The following COG5 variants were observed in gnomAD, a reference collection of about 807,000 sequenced individuals.
COG5 encodes component of oligomeric golgi complex 5.
In COG5, 86 loss-of-function variants were observed where a neutral mutation model predicts 110.4. The ratio of observed to expected loss-of-function variants is 0.78; its 90% CI spans 0.65 to 0.93. The LOEUF is 0.93. Ranked by LOEUF, COG5 falls within the 40% of genes least tolerant of loss-of-function variation. COG5 has a pLI of 0.00. For synonymous variants in COG5, 360 were observed against 334.6 expected, an observed-to-expected ratio of 1.08 and a Z score of -0.83; for missense variants, 1,077 against 987.0, an observed-to-expected ratio of 1.09 and a Z score of -1.22.
chr7:107,457,352 G>GTCCTC (rs1795725717), intron 6 of COG5, among the ~76,000 whole-genome samples: 1 of 141,714 alleles, frequency 7.1e-6, no homozygotes, highest in Non-Finnish European at 1.5e-5. Context: ...ACAAATTAAA[G>GTCCTC]CTATGAGGAG....
At chr7:107,473,984 C>A (rs189832337) in intron 6 of COG5, 5 of 707,424 alleles carry the variant, frequency 7.1e-6, no homozygotes, top group South Asian at 2.0e-5. Context: ...ACACGTTATA[C>A]GTCATTTAAA....
chr7:107,383,704 T>C (rs1395989042), intron 7 of COG5, among the ~76,000 whole-genome samples: 1 of 152,178 alleles, frequency 6.6e-6, no homozygotes. Context: ...CCTGTTCCTC[T>C]CTTTCTAAAT....
At chr7:107,323,358 G>A (rs946436676) in intron 11 of COG5, among the ~76,000 whole-genome samples, 6 of 152,096 alleles carry the variant, frequency 3.9e-5, no homozygotes, top group Admixed American at 6.5e-5. Context: ...GTGAAACCCC[G>A]TCTTTACTAA....
chr7:107,307,698 G>A (rs915787993), intron 11 of COG5, among the ~76,000 whole-genome samples: 5 of 152,120 alleles, frequency 3.3e-5, no homozygotes, highest in African/African-American at 1.2e-4. Flanking sequence ...TTATAAGTGG[G>A]AGCTAAGCTA....
At chr7:107,534,229 C>A (rs540938668) in intron 5 of COG5, among the ~76,000 whole-genome samples, 1 of 151,532 alleles carries the variant, frequency 6.6e-6, no homozygotes, top group Non-Finnish European at 1.5e-5. Flanking sequence ...AAGTTAAAGA[C>A]CATCAACACT....
chr7:107,374,265 A>G lies in COG5; in HGVS notation c.670-1505T>C, dbSNP rs180812418. Among the ~76,000 whole-genome samples, 664 of 152,202 alleles carry G rather than the reference A, an allele frequency of 4.4e-3. 3 individuals carry two copies. Among genetic ancestry groups the G allele is most frequent in the African/African-American group, 0.015 (635 of 41,572 alleles). On this transcript the variant is annotated intron_variant, in intron 7 of 21. Coordinates refer to ENST00000297135, the MANE Select transcript of COG5 (RefSeq NM_006348.5). ...CTGTTTTATCTTTAAACTTTTTAGT[A>G]GACACCAAAAATCAAAATGAGGCAG...
At chr7:107,374,407 A>G (rs929777444) in intron 7 of COG5, among the ~76,000 whole-genome samples, 1 of 152,088 alleles carries the variant, frequency 6.6e-6, no homozygotes, top group Non-Finnish European at 1.5e-5. Flanking sequence ...ATATACTTTA[A>G]AACTATATTT....
intron 7 of COG5, among the ~76,000 whole-genome samples, chr7:107,403,709 T>C (rs1791607246): frequency 6.6e-6 from 1 of 152,144 alleles, no homozygotes; most frequent in Non-Finnish European, 1.5e-5. Flanking sequence ...AAGTCTTTTA[T>C]AAGGGCACTA....
intron 10 of COG5, among the ~76,000 whole-genome samples, chr7:107,328,742 A>T (rs1174893071): frequency 6.6e-6 from 1 of 152,226 alleles, no homozygotes; most frequent in East Asian, 1.9e-4. Context: ...TCACTAGTTA[A>T]AACAATAGTA....
chr7:107,403,923 C>A (rs948263122), intron 7 of COG5, among the ~76,000 whole-genome samples: 1 of 150,468 alleles, frequency 6.6e-6, no homozygotes. Context: ...ATTATTATTA[C>A]TATTTTTATG....
At chr7:107,356,708 A>T (rs1265581237) in intron 10 of COG5, among the ~76,000 whole-genome samples, 3 of 152,172 alleles carry the variant, frequency 2.0e-5, no homozygotes, top group East Asian at 3.8e-4. Context: ...GAAAAAAAGT[A>T]TTAATTTCTG....
At chr7:107,291,229 C>T (rs1806144183) in intron 12 of COG5, among the ~76,000 whole-genome samples, 1 of 152,042 alleles carries the variant, frequency 6.6e-6, no homozygotes, top group South Asian at 2.1e-4. Flanking sequence ...TTATTTGAGG[C>T]TCTGTTTATT....
intron 1 of COG5, among the ~76,000 whole-genome samples, chr7:107,563,053 T>A: frequency 6.6e-6 from 1 of 152,202 alleles, no homozygotes; most frequent in Non-Finnish European, 1.5e-5. Flanking sequence ...GCTTTATTTT[T>A]ATGCTTATAA....
At chr7:107,240,950 G>T (rs1186691452) in intron 17 of COG5, among the ~76,000 whole-genome samples, 2 of 152,168 alleles carry the variant, frequency 1.3e-5, no homozygotes, top group African/African-American at 4.8e-5. Context: ...AGCTGAAATG[G>T]AGTCACCAAA....
chr7:107,238,059 G>A (rs918537336), intron 17 of COG5, among the ~76,000 whole-genome samples: 1 of 152,138 alleles, frequency 6.6e-6, no homozygotes, highest in African/African-American at 2.4e-5. Context: ...AGTGTGGAAT[G>A]ACTGAATCAA....
At chr7:107,411,243 T>C (rs939941824) in intron 7 of COG5, among the ~76,000 whole-genome samples, 33 of 152,358 alleles carry the variant, frequency 2.2e-4, no homozygotes, top group African/African-American at 7.7e-4. Context: ...CTGCCCTTTC[T>C]TGTTTTGAAA....
At chr7:107,386,432 G>A (rs1449579059) in intron 7 of COG5, among the ~76,000 whole-genome samples, 2 of 152,198 alleles carry the variant, frequency 1.3e-5, no homozygotes, top group Admixed American at 6.5e-5. Flanking sequence ...ACAGACCCCC[G>A]CAGCTGGTGC....
intron 19 of COG5, among the ~76,000 whole-genome samples, chr7:107,223,559 T>A (rs796237101): frequency 3.3e-5 from 5 of 152,310 alleles, no homozygotes; most frequent in African/African-American, 1.2e-4. Context: ...GGAGCCTGAA[T>A]GCAACAGAAG....
At chr7:107,246,262 T>C (rs752395415) in intron 17 of COG5, among the ~76,000 whole-genome samples, 33 of 152,124 alleles carry the variant, frequency 2.2e-4, no homozygotes, top group Non-Finnish European at 3.1e-4. Context: ...TATAAAACCC[T>C]GGAAGACAAC....
Sources: gnomAD v4.1 joint callset for allele counts (sites outside exome capture counted in the v4.1 genomes callset) on GRCh38, gnomAD v4.1.1 for gene constraint, MANE v1.5 for transcripts, NCBI Gene and HGNC (gene_info 2026-07-23, HGNC 2026-07-21) for gene names.